The following CLK1 variants were observed in gnomAD, a reference collection of about 807,000 sequenced individuals.
CLK1 encodes CDC like kinase 1.
In CLK1, 40 loss-of-function variants were observed where a neutral mutation model predicts 60.9. The ratio of observed to expected loss-of-function variants is 0.66; its 90% CI spans 0.51 to 0.86. The LOEUF (loss-of-function observed/expected upper bound fraction) is 0.86, where lower values mean the gene tolerates loss of function less well. Among genes scored for constraint, CLK1 ranks in the 40% least tolerant of loss-of-function variants. The probability of loss-of-function intolerance (pLI) is 0.00; values close to 1 mark genes in which losing one functional copy is unlikely to be tolerated. For missense variants in CLK1, 563 were observed against 606.1 expected (o/e 0.93, Z 0.75); for synonymous variants, 203 against 184.4 (o/e 1.10, Z -0.82).
chr2:200,861,372 G>C lies in CLK1; in HGVS notation c.256C>G (p.Pro86Ala), dbSNP rs777979923. ...YRNDYTQGCE[P>A]GHRQRDHESR... ...TCATGGTCTCTTTGGCGATGTCCAG[G>C]TTCACATCCTTGAGTGTAGTCATTT... Residue 86 changes from proline to alanine, a missense_variant, in exon 3 of 13, where the codon CCT becomes GCT. By Grantham distance (27) the Pro-to-Ala change is conservative. Around this residue, in one of 3 missense-constraint regions of CLK1, gnomAD observed 198 missense variants for 179.2 expected, o/e 1.10. Transcript: ENST00000321356. 1.2e-6 allele frequency: 2 copies of C among 1,614,122 alleles called. No individual in the cohort carries two copies. Among genetic ancestry groups the C allele is most frequent in the Middle Eastern group, 1.6e-4 (1 of 6,062 alleles).
chr2:200,853,283 G>A lies in CLK1; in HGVS notation c.*23C>T, dbSNP rs373567772. ...CTGATACAGTCTGTAAGATCTCTTCGAGAGAGCTGTCCAATTACAGATCTA... is the reference window on the plus strand; with the variant it reads ...CTGATACAGTCTGTAAGATCTCTTCAAGAGAGCTGTCCAATTACAGATCTA... On this transcript the variant is annotated 3_prime_UTR_variant, in exon 13 of 13. Coordinates refer to ENST00000321356, the MANE Select transcript of CLK1 (RefSeq NM_004071.4). 11 of 1,571,874 alleles carry A rather than the reference G, an allele frequency of 7.0e-6. No homozygotes were observed. Among genetic ancestry groups the A allele is most frequent in the South Asian group, 2.3e-5 (2 of 85,640 alleles).
chr2:200,857,141 A>T, intron 7 of CLK1, 156 bp from the exon 8 acceptor site: 1 of 619,864 alleles, frequency 1.6e-6, no homozygotes, highest in Non-Finnish European at 2.8e-6. Flanking sequence ...CCCTGTCTCT[A>T]CCAAAATTAC....
At chr2:200,855,632 A>G (rs534235856) in intron 9 of CLK1, among the ~76,000 whole-genome samples, 78 of 144,718 alleles carry the variant, frequency 5.4e-4, no homozygotes, top group African/African-American at 1.9e-3. Context: ...CCCCCCCCCA[A>G]AAAATTATAT....
chr2:200,859,634 T>C (rs2105739672), intron 5 of CLK1, 46 bp downstream of exon 5: 1 of 1,480,588 alleles, frequency 6.8e-7, no homozygotes, highest in Non-Finnish European at 9.4e-7. Context: ...ATCAATTACC[T>C]GTATTGCCAA....
intron 9 of CLK1, among the ~76,000 whole-genome samples, chr2:200,856,272 A>G (rs920310796): frequency 8.5e-5 from 13 of 152,094 alleles, no homozygotes; most frequent in African/African-American, 2.6e-4. Flanking sequence ...GGGTTTCACC[A>G]TATTAGCCAG....
chr2:200,856,597 C>T, intron 9 of CLK1, 85 bp downstream of exon 9: 1 of 1,132,726 alleles, frequency 8.8e-7, no homozygotes, highest in Non-Finnish European at 1.3e-6. Context: ...TGATAAAGCC[C>T]CACAAGTAAG....
chr2:200,862,469 A>G (rs1001329272), intron 1 of CLK1, among the ~76,000 whole-genome samples: 4 of 151,348 alleles, frequency 2.6e-5, no homozygotes, highest in Admixed American at 6.6e-5. Context: ...CGCCCTTGAG[A>G]ATGTACTTTG....
At chr2:200,859,398 A>G (rs911859270) in intron 5 of CLK1, among the ~76,000 whole-genome samples, 2 of 152,118 alleles carry the variant, frequency 1.3e-5, no homozygotes, top group Non-Finnish European at 1.5e-5. Context: ...TGGTGGGGGA[A>G]AAAAATATGG....
intron 3 of CLK1, chr2:200,860,676 G>C (rs188200027): frequency 2.8e-5 from 28 of 995,698 alleles, no homozygotes; most frequent in Non-Finnish European, 3.1e-5. Flanking sequence ...TAAAATTAAA[G>C]TGCTAATTTT....
At chr2:200,853,879 T>A in intron 12 of CLK1, 24 bp downstream of exon 12, 1 of 1,551,788 alleles carries the variant, frequency 6.4e-7, no homozygotes, top group Non-Finnish European at 8.8e-7. Flanking sequence ...TTTTGACTAT[T>A]TGAGCAATGT....
intron 11 of CLK1, 106 bp downstream of exon 11, chr2:200,854,510 T>C (rs1462224871): frequency 1.3e-5 from 9 of 695,492 alleles, no homozygotes; most frequent in Non-Finnish European, 2.0e-5. Flanking sequence ...CACTCCAGCC[T>C]GGGCAACAGA....
In CLK1 at chr2:200,857,307, A is replaced by G. The variant is rs2039059783; in HGVS notation, c.833-322T>C. On this transcript the variant is annotated intron_variant, in intron 7 of 12. Coordinates refer to ENST00000321356, the MANE Select transcript of CLK1 (RefSeq NM_004071.4). ...AACAACAAAGCGAGACTCCATTTCA[A>G]AAAACAAAAAAACCCAACAAAAAAC... 1.1e-5 allele frequency: 3 copies of G among 278,910 alleles called. No individual in the cohort carries two copies. The Admixed American group carries it at 1.4e-4, about 13-fold the overall frequency. 17.3% of individuals were successfully genotyped at this position (278,910 alleles called of 1,614,324 possible).
chr2:200,853,293 T>C lies in CLK1; in HGVS notation c.*13A>G. The C allele has an allele frequency of 6.3e-7, 1 of 1,592,890 alleles. No individual in the cohort carries two copies. The highest frequency in any genetic ancestry group is 8.5e-7 in the Non-Finnish European group (1 of 1,170,682). ...CTGTAAGATCTCTTCGAGAGAGCTG[T>C]CCAATTACAGATCTATATACTTTTC... On this transcript the variant is annotated 3_prime_UTR_variant, in exon 13 of 13. Coordinates refer to ENST00000321356, the MANE Select transcript of CLK1 (RefSeq NM_004071.4).
intron 9 of CLK1, among the ~76,000 whole-genome samples, chr2:200,855,669 G>A (rs1325403848): frequency 1.3e-5 from 2 of 148,918 alleles, no homozygotes; most frequent in Non-Finnish European, 1.5e-5. Context: ...GCAATGTGAT[G>A]TTTGAGCTGG....
chr2:200,854,945 C>T lies in CLK1; in HGVS notation c.1140+59G>A. ...AATGGGGGAAGCAAAAGTATTTATT[C>T]ATATAAACAGGCACCTTTCTTGTGC... On this transcript the variant is annotated intron_variant, in intron 10 of 12. Transcript: ENST00000321356. 1.2e-5 allele frequency: 15 copies of T among 1,286,794 alleles called. 1 individual carries two copies. The South Asian group carries it at 1.9e-4, about 16-fold the overall frequency. 79.7% of individuals were successfully genotyped at this position (1,286,794 alleles called of 1,614,324 possible).
In CLK1 at chr2:200,856,884, GACTT is replaced by G. The variant is rs759301702; in HGVS notation, c.927+3_927+6del. ...AAGATACTTTATGAATATTTTGGAA[GACTT>G]ACTATTTTGGGATTATACGCCTCTG... On this transcript the variant is annotated splice_donor_5th_base_variant and intron_variant, in intron 8 of 12. Transcript: ENST00000321356. The G allele has an allele frequency of 3.7e-6, 6 of 1,613,832 alleles. No homozygotes were observed. Among genetic ancestry groups the G allele is most frequent in the Admixed American group, 3.3e-5 (2 of 60,002 alleles).
rs567191952 is a variant in CLK1, at chr2:200,860,494, TAA to T, written c.391-281_391-280del. 9.2e-4 allele frequency: 832 copies of T among 906,478 alleles called. 2 individuals are homozygous for T. Among genetic ancestry groups the T allele is most frequent in the African/African-American group, 7.1e-3 (407 of 56,952 alleles). 56.2% of individuals were successfully genotyped at this position (906,478 alleles called of 1,614,324 possible). The stretch of plus-strand genomic sequence containing the variant: ...CAAAACATAATACAATTGTTTTTCT[TAA>T]AAAAAAAAAATGCTTAGTTGTAGCA... On this transcript the variant is annotated intron_variant, in intron 3 of 12. Transcript: ENST00000321356.
At chr2:200,853,880 T>C in intron 12 of CLK1, 23 bp downstream of exon 12, 4 of 1,556,212 alleles carry the variant, frequency 2.6e-6, no homozygotes, top group Non-Finnish European at 1.8e-6. Context: ...TTTGACTATT[T>C]GAGCAATGTC....
chr2:200,854,411 C>T lies in CLK1; in HGVS notation c.1220+205G>A, dbSNP rs2039005508. On this transcript the variant is annotated intron_variant, in intron 11 of 12. Coordinates refer to ENST00000321356, the MANE Select transcript of CLK1 (RefSeq NM_004071.4). Reference sequence around the variant, plus strand: ...ATTAGGCGGGCGTGGTGGCGAGTGCCTGTAGTCCCAGCTACTCGGGAGGCT... The same window carrying T: ...ATTAGGCGGGCGTGGTGGCGAGTGCTTGTAGTCCCAGCTACTCGGGAGGCT... Among the ~76,000 whole-genome samples the T allele has an allele frequency of 2.0e-5, 3 of 151,848 alleles. No homozygotes were observed. In the South Asian group the frequency reaches 6.2e-4, roughly 32 times the overall value.
Sources: allele counts gnomAD v4.1 joint callset (sites outside exome capture counted in the v4.1 genomes callset), GRCh38; gene constraint gnomAD v4.1.1; regional missense constraint gnomAD v4.1.1; transcripts MANE v1.5; gene names NCBI Gene and HGNC (gene_info 2026-07-23, HGNC 2026-07-21).